Variants in CTIF observed in about 807,000 individuals in gnomAD.
CTIF encodes cap binding complex dependent translation initiation factor.
CTIF carries 21 observed loss-of-function variants against 66.0 expected under a neutral mutation model. The ratio of observed to expected loss-of-function variants is 0.32; its 90% CI spans 0.23 to 0.46. The LOEUF is 0.46. Among genes scored for constraint, CTIF ranks in the 20% least tolerant of loss-of-function variants. The pLI is 1.00. For missense variants in CTIF, 739 were observed against 812.7 expected, an observed-to-expected ratio of 0.91 and a Z score of 1.10; for synonymous variants, 345 against 326.4, an observed-to-expected ratio of 1.06 and a Z score of -0.62.
chr18:48,552,308 A>G (rs575119600), intron 1 of CTIF, among the ~76,000 whole-genome samples: 1 of 152,338 alleles, frequency 6.6e-6, no homozygotes, highest in Admixed American at 6.5e-5. Context: ...AGACAAACTG[A>G]GGACGGGTTC....
At chr18:48,551,585 T>C (rs1300504699) in intron 1 of CTIF, among the ~76,000 whole-genome samples, 2 of 152,192 alleles carry the variant, frequency 1.3e-5, no homozygotes, top group African/African-American at 4.8e-5. Context: ...CTTTCAGCTC[T>C]GAGTGTAGTT....
chr18:48,715,676 A>G (rs2092274765), intron 7 of CTIF, among the ~76,000 whole-genome samples: 1 of 152,322 alleles, frequency 6.6e-6, no homozygotes, highest in Non-Finnish European at 1.5e-5. Context: ...TGCATTTAAG[A>G]GATGAACACA....
chr18:48,779,558 T>A (rs1911013682), intron 9 of CTIF, among the ~76,000 whole-genome samples: 1 of 152,234 alleles, frequency 6.6e-6, no homozygotes, highest in South Asian at 2.1e-4. Context: ...TAGGTGGCCA[T>A]GCTTTCAGAG....
chr18:48,572,025 G>A (rs78804659), intron 1 of CTIF, among the ~76,000 whole-genome samples: 2,551 of 152,188 alleles, frequency 0.017, 30 homozygotes, highest in Non-Finnish European at 0.029. Flanking sequence ...GTAGTCTTAA[G>A]CCAGAATTAT....
intron 9 of CTIF, among the ~76,000 whole-genome samples, chr18:48,779,937 G>A (rs1911055622): frequency 6.6e-6 from 1 of 152,332 alleles, no homozygotes; most frequent in Non-Finnish European, 1.5e-5. Flanking sequence ...GGTCTGTGGG[G>A]TATGGGCATC....
At chr18:48,789,832 G>A (rs2067753585) in intron 9 of CTIF, among the ~76,000 whole-genome samples, 1 of 152,186 alleles carries the variant, frequency 6.6e-6, no homozygotes, top group Non-Finnish European at 1.5e-5. Flanking sequence ...AGACTAGTGG[G>A]GAAGACTAAT....
At chr18:48,850,666 C>T (rs1328608832) in intron 10 of CTIF, among the ~76,000 whole-genome samples, 1 of 152,256 alleles carries the variant, frequency 6.6e-6, no homozygotes, top group African/African-American at 2.4e-5. Context: ...GGCAATGGCA[C>T]TGACGGGGCC....
chr18:48,852,607 C>T (rs762737771), intron 10 of CTIF, among the ~76,000 whole-genome samples: 6 of 152,228 alleles, frequency 3.9e-5, no homozygotes, highest in Non-Finnish European at 8.8e-5. Flanking sequence ...CTTGGGGATC[C>T]GCAGACCCCA....
intron 1 of CTIF, among the ~76,000 whole-genome samples, chr18:48,604,267 T>C (rs1289022961): frequency 1.2e-4 from 15 of 129,392 alleles, no homozygotes; most frequent in African/African-American, 4.2e-4. Flanking sequence ...AGCTCTGCCT[T>C]CTGGATTCAG....
intron 1 of CTIF, among the ~76,000 whole-genome samples, chr18:48,616,902 G>A (rs935355791): frequency 1.3e-5 from 2 of 152,202 alleles, no homozygotes; most frequent in African/African-American, 4.8e-5. Flanking sequence ...AAAGCACAGA[G>A]GCAGGAAAGA....
chr18:48,839,572 CTG>C (rs898207050), intron 10 of CTIF, among the ~76,000 whole-genome samples: 3 of 149,850 alleles, frequency 2.0e-5, no homozygotes, highest in Non-Finnish European at 4.5e-5. Context: ...GGTAAGGAAA[CTG>C]AGACACAGAG....
intron 1 of CTIF, among the ~76,000 whole-genome samples, chr18:48,605,296 C>T (rs915259435): frequency 1.8e-4 from 27 of 152,170 alleles, no homozygotes; most frequent in African/African-American, 6.5e-4. Flanking sequence ...ACACTTGACT[C>T]GATACTTTGT....
chr18:48,859,607 G>A lies in CTIF; in HGVS notation c.*48G>A. ...GCCCACGGGCAGCTGGGGCCCTGGT[G>A]CACAGGGCCAGATGGACAGGCGGGA... On this transcript the variant is annotated 3_prime_UTR_variant, in exon 12 of 12. Coordinates refer to ENST00000256413, the MANE Select transcript of CTIF (RefSeq NM_014772.3). 3 of 1,545,590 alleles carry A rather than the reference G, an allele frequency of 1.9e-6. No individual in the cohort carries two copies. Among genetic ancestry groups the A allele is most frequent in the South Asian group, 1.1e-5 (1 of 89,776 alleles).
intron 1 of CTIF, among the ~76,000 whole-genome samples, chr18:48,548,296 T>C (rs1245797394): frequency 6.6e-6 from 1 of 152,156 alleles, no homozygotes; most frequent in Admixed American, 6.5e-5. Context: ...TGTCCCACAC[T>C]CTTGGGGCAT....
In CTIF at chr18:48,664,557, G is replaced by A. The variant is rs1447586665; in HGVS notation, c.431+6G>A. On this transcript the variant is annotated splice_donor_region_variant and intron_variant, in intron 5 of 11. Transcript: ENST00000256413. ...CCACACATCGACCGCGAAGGGTAAG[G>A]GGTGCTGGGGCTCTTACCCAGGGTG... is the stretch of plus-strand genomic sequence containing the variant. 6.2e-7 allele frequency: 1 copy of A among 1,608,898 alleles called. No homozygotes were observed. Among genetic ancestry groups the A allele is most frequent in the Middle Eastern group, 1.7e-4 (1 of 6,056 alleles).
chr18:48,858,941 C>G (rs958102334), intron 11 of CTIF, among the ~76,000 whole-genome samples: 1 of 152,146 alleles, frequency 6.6e-6, no homozygotes, highest in Non-Finnish European at 1.5e-5. Flanking sequence ...GACGCCCCAG[C>G]AAGTGAAAAT....
At chr18:48,632,843 G>C (rs1442348146) in intron 2 of CTIF, among the ~76,000 whole-genome samples, 1 of 151,912 alleles carries the variant, frequency 6.6e-6, no homozygotes, top group African/African-American at 2.4e-5. Flanking sequence ...CCTCTCCTGT[G>C]TGGGGACACT....
At chr18:48,829,953 T>C (rs1040609229) in intron 10 of CTIF, among the ~76,000 whole-genome samples, 2 of 152,224 alleles carry the variant, frequency 1.3e-5, no homozygotes, top group African/African-American at 4.8e-5. Context: ...CAGCTCCTTC[T>C]TGATGGCTCT....
chr18:48,685,023 T>G (rs2091812069), intron 6 of CTIF, among the ~76,000 whole-genome samples: 1 of 144,898 alleles, frequency 6.9e-6, no homozygotes, highest in Non-Finnish European at 1.5e-5. Flanking sequence ...TTTTTTTGTT[T>G]GTTTGTATTT....
Sources: gnomAD v4.1 joint callset for allele counts (sites outside exome capture counted in the v4.1 genomes callset) on GRCh38, gnomAD v4.1.1 for gene constraint, MANE v1.5 for transcripts, NCBI Gene and HGNC (gene_info 2026-07-23, HGNC 2026-07-21) for gene names.